AJAP1: variants seen among roughly 807,000 people sequenced by gnomAD.
The protein encoded by AJAP1 is adherens junction-associated protein 1.
Under a neutral mutation model 35.0 loss-of-function variants are expected in AJAP1, and 5 were observed. That is an observed-to-expected ratio of 0.14 (90% CI 0.07 to 0.30). The LOEUF (loss-of-function observed/expected upper bound fraction) is 0.30, where lower values mean the gene tolerates loss of function less well. Among genes scored for constraint, AJAP1 ranks in the 10% least tolerant of loss-of-function variants. The pLI, the probability that AJAP1 is intolerant of heterozygous loss-of-function variation, is 1.00. For missense variants in AJAP1, 586 were observed against 571.0 expected (o/e 1.03, Z -0.27); for synonymous variants, 284 against 249.3 (o/e 1.14, Z -1.31).
At chr1:4,672,359 T>C (rs1639268721) in intron 1 of AJAP1, among the ~76,000 whole-genome samples, 1 of 152,186 alleles carries the variant, frequency 6.6e-6, no homozygotes, top group Non-Finnish European at 1.5e-5. Flanking sequence ...GCCAGGTACT[T>C]TCATCTTGGG....
At chr1:4,755,488 GCT>G (rs1270356772) in intron 2 of AJAP1, among the ~76,000 whole-genome samples, 4 of 152,030 alleles carry the variant, frequency 2.6e-5, no homozygotes, top group African/African-American at 9.7e-5. Flanking sequence ...TGGCCACGGG[GCT>G]CTGTTTGCAA....
At chr1:4,741,364 C>T (rs61766962) in intron 2 of AJAP1, among the ~76,000 whole-genome samples, 4,726 of 152,258 alleles carry the variant, frequency 0.031, 104 homozygotes, top group Middle Eastern at 0.054. Flanking sequence ...GGACCCTTCC[C>T]GGCCTCTTCC....
chr1:4,737,547 G>T (rs1215291945), intron 2 of AJAP1, among the ~76,000 whole-genome samples: 1 of 151,810 alleles, frequency 6.6e-6, no homozygotes, highest in African/African-American at 2.4e-5. Context: ...CTCTGCATAG[G>T]CAGGGCCAGG....
At chr1:4,700,821 C>A (rs1442595385) in intron 1 of AJAP1, among the ~76,000 whole-genome samples, 1 of 152,194 alleles carries the variant, frequency 6.6e-6, no homozygotes, top group East Asian at 1.9e-4. Context: ...GAGGAGCAGG[C>A]TGAACCAAGG....
chr1:4,722,427 G>A (rs965582811), intron 2 of AJAP1, among the ~76,000 whole-genome samples: 7 of 152,330 alleles, frequency 4.6e-5, no homozygotes, highest in African/African-American at 7.2e-5. Context: ...TAGACATTCC[G>A]AAAGCAGCCG....
intron 2 of AJAP1, among the ~76,000 whole-genome samples, chr1:4,746,965 T>G (rs756659040): frequency 2.0e-5 from 3 of 152,170 alleles, no homozygotes; most frequent in Non-Finnish European, 4.4e-5. Flanking sequence ...AAGCACCAGA[T>G]TAGTCTGCAG....
chr1:4,771,574 G>A (rs1411118959), intron 3 of AJAP1, among the ~76,000 whole-genome samples: 1 of 152,142 alleles, frequency 6.6e-6, no homozygotes, highest in Non-Finnish European at 1.5e-5. Flanking sequence ...GCATCCGGGG[G>A]CCTCGATTCT....
intron 2 of AJAP1, among the ~76,000 whole-genome samples, chr1:4,741,018 A>G (rs975382901): frequency 6.6e-6 from 1 of 152,142 alleles, no homozygotes; most frequent in Non-Finnish European, 1.5e-5. Context: ...CTCTGCAACT[A>G]CAAAGTCTCG....
At position 4,750,205 on chromosome 1, in the gene AJAP1, C is replaced by T. The variant is rs556532175; in HGVS notation, c.830-19648C>T. Among the ~76,000 whole-genome samples the T allele has an allele frequency of 4.5e-4, 69 of 151,720 alleles. 1 individual carries two copies. Among genetic ancestry groups the T allele is most frequent in the African/African-American group, 1.4e-3 (58 of 41,348 alleles). The stretch of plus-strand genomic sequence containing the variant: ...GTGTGCATGCCCATGTTTGTGTGTG[C>T]GTGTGTGCATGTATTTGTGTGTGTT... On this transcript the variant is annotated intron_variant, in intron 2 of 5. Transcript: ENST00000378191.
intron 2 of AJAP1, among the ~76,000 whole-genome samples, chr1:4,728,343 A>G (rs1489498421): frequency 6.6e-6 from 1 of 152,056 alleles, no homozygotes; most frequent in Non-Finnish European, 1.5e-5. Context: ...GGTTTATTCC[A>G]AACTCCCTTT....
intron 4 of AJAP1, 134 bp downstream of exon 4, chr1:4,772,659 A>G: frequency 6.1e-6 from 8 of 1,313,480 alleles, no homozygotes; most frequent in Non-Finnish European, 8.2e-6. Context: ...GGGCCCAGCC[A>G]AGGCGGACAG....
chr1:4,690,822 GTGCCTGAGCAAGGGGCGTCTA>G (rs1411190725), intron 1 of AJAP1, among the ~76,000 whole-genome samples: 1 of 152,176 alleles, frequency 6.6e-6, no homozygotes, highest in Non-Finnish European at 1.5e-5. Flanking sequence ...TCGGCCGCTG[GTGCCTGAGCAAGGGGCGTCTA>G]TGCCTGAGTC....
intron 1 of AJAP1, among the ~76,000 whole-genome samples, chr1:4,679,841 GTGTGTGTGTGT>G (rs769521177): frequency 1.5e-5 from 2 of 130,626 alleles, no homozygotes; most frequent in African/African-American, 2.7e-5. Flanking sequence ...GTGTGTGTGT[GTGTGTGTGTGT>G]AGAGAGAGAT....
chr1:4,703,200 C>T (rs192764756), intron 1 of AJAP1, among the ~76,000 whole-genome samples: 5 of 152,224 alleles, frequency 3.3e-5, no homozygotes, highest in African/African-American at 4.8e-5. Flanking sequence ...GGGAATGCCG[C>T]GAAAGTGATT....
At chr1:4,663,357 C>T (rs1212816275) in intron 1 of AJAP1, among the ~76,000 whole-genome samples, 7 of 110,246 alleles carry the variant, frequency 6.3e-5, no homozygotes, top group Non-Finnish European at 1.2e-4. Context: ...CCAGAAAGCA[C>T]GGGTGTTGGT....
intron 2 of AJAP1, among the ~76,000 whole-genome samples, chr1:4,751,431 C>G (rs1246617534): frequency 6.6e-6 from 1 of 152,208 alleles, no homozygotes; most frequent in Non-Finnish European, 1.5e-5. Context: ...TGTGCCCCAG[C>G]AAGGAGAGTG....
Position 4,784,446 on chromosome 1 carries a change from A to C in AJAP1, c.*1961A>C, listed in dbSNP as rs1421740419. The stretch of plus-strand genomic sequence containing the variant: ...TTCAGTGAAATGTCACAGGCCAGGC[A>C]AAAAGGTTAAAGATCAGACAGACAG... On this transcript the variant is annotated 3_prime_UTR_variant, in exon 6 of 6. Transcript: ENST00000378191. 3 of 152,194 alleles carry C rather than the reference A, an allele frequency of 2.0e-5. No homozygotes were observed. The highest frequency in any genetic ancestry group is 4.8e-5 in the African/African-American group (2 of 41,452). 9.4% of individuals were successfully genotyped at this position (152,194 alleles called of 1,614,324 possible). A position where few individuals can be genotyped will look rare whatever the true frequency, so the allele number is the denominator to read the frequency against.
intron 5 of AJAP1, among the ~76,000 whole-genome samples, chr1:4,776,844 C>G (rs895389577): frequency 6.6e-6 from 1 of 152,206 alleles, no homozygotes; most frequent in African/African-American, 2.4e-5. Context: ...GAGCTGACCC[C>G]CTCCCTGTGG....
At chr1:4,735,928 T>G (rs1276021201) in intron 2 of AJAP1, among the ~76,000 whole-genome samples, 1 of 152,170 alleles carries the variant, frequency 6.6e-6, no homozygotes, top group African/African-American at 2.4e-5. Flanking sequence ...CCATTGCTGG[T>G]CAGATTGAGG....
Sources: allele counts gnomAD v4.1 joint callset (sites outside exome capture counted in the v4.1 genomes callset), GRCh38; gene constraint gnomAD v4.1.1; transcripts MANE v1.5; gene names NCBI Gene and HGNC (gene_info 2026-07-23, HGNC 2026-07-21).